Variants in ANKRD31 observed in about 807,000 individuals in gnomAD.
ANKRD31 encodes ankyrin repeat domain 31.
A neutral mutation model predicts 186.0 loss-of-function variants in ANKRD31; 147 were observed. That is an observed-to-expected ratio of 0.79 (90% CI 0.69 to 0.91). The LOEUF is 0.91. Among genes scored for constraint, ANKRD31 ranks in the 40% least tolerant of loss-of-function variants. The pLI, the probability that ANKRD31 is intolerant of heterozygous loss-of-function variation, is 0.00. For synonymous variants in ANKRD31, 673 were observed against 736.4 expected (o/e 0.91, Z 1.39); for missense variants, 1,986 against 2,148.8 (o/e 0.92, Z 1.50).
chr5:75,155,639 T>C (rs1752115627), intron 11 of ANKRD31, among the ~76,000 whole-genome samples: 1 of 152,186 alleles, frequency 6.6e-6, no homozygotes, highest in Admixed American at 6.6e-5. Context: ...GTGAGTAGGC[T>C]TTAAGTAACA....
intron 11 of ANKRD31, among the ~76,000 whole-genome samples, chr5:75,163,084 T>C (rs1752678502): frequency 6.6e-6 from 1 of 152,222 alleles, no homozygotes; most frequent in African/African-American, 2.4e-5. Flanking sequence ...ACAATGAAAC[T>C]ACTAACGATG....
chr5:75,127,267 T>G (rs1347144588), intron 17 of ANKRD31, among the ~76,000 whole-genome samples: 1 of 152,138 alleles, frequency 6.6e-6, no homozygotes, highest in Non-Finnish European at 1.5e-5. Flanking sequence ...GTTGTATAAG[T>G]AAAACTCAGT....
intron 25 of ANKRD31, among the ~76,000 whole-genome samples, chr5:75,074,363 A>G (rs965143819): frequency 3.3e-5 from 5 of 151,960 alleles, no homozygotes; most frequent in Non-Finnish European, 5.9e-5. Context: ...GTCTCCCTAA[A>G]CTCCTTCCAC....
intron 12 of ANKRD31, among the ~76,000 whole-genome samples, chr5:75,152,248 T>C (rs1751888025): frequency 6.6e-6 from 1 of 152,026 alleles, no homozygotes; most frequent in Non-Finnish European, 1.5e-5. Flanking sequence ...CCAAAGAACT[T>C]TGAATTTATA....
intron 11 of ANKRD31, among the ~76,000 whole-genome samples, chr5:75,163,870 C>T (rs1490742358): frequency 6.6e-6 from 1 of 152,170 alleles, no homozygotes; most frequent in African/African-American, 2.4e-5. Flanking sequence ...AATTTCTCTT[C>T]TTGTTCCAGT....
At position 75,138,867 on chromosome 5, in the gene ANKRD31, C is replaced by T. The variant is rs1401523188; in HGVS notation, c.3712G>A (p.Val1238Met). Residue 1238 changes from valine to methionine, a missense_variant, in exon 16 of 26, where the codon GTG becomes ATG. By Grantham distance (21) the Val-to-Met change is conservative. Coordinates refer to ENST00000506364, the MANE Select transcript of ANKRD31 (RefSeq NM_001372053.1). ...AAACCTGCATTATCATTTAGATTCA[C>T]ATCTGCTCCAGATTCTATCAGGGCT... ...VKALIESGAD[V>M]NLNDNAGWTP... is the part of the protein sequence containing the mutation. 5.2e-6 allele frequency: 8 copies of T among 1,536,374 alleles called. No individual in the cohort carries two copies. The highest frequency in any genetic ancestry group is 1.7e-4 in the Middle Eastern group (1 of 5,980).
intron 11 of ANKRD31, among the ~76,000 whole-genome samples, chr5:75,158,530 C>T (rs1752351002): frequency 6.6e-6 from 1 of 152,136 alleles, no homozygotes; most frequent in African/African-American, 2.4e-5. Context: ...TGTCCCAGTG[C>T]TTTGGGAGGC....
At chr5:75,216,572 C>G (rs1756974359) in intron 3 of ANKRD31, among the ~76,000 whole-genome samples, 1 of 152,026 alleles carries the variant, frequency 6.6e-6, no homozygotes, top group African/African-American at 2.4e-5. Context: ...AAATATAGAT[C>G]TCTCAATTTC....
chr5:75,177,479 C>T (rs1030030528), intron 10 of ANKRD31, among the ~76,000 whole-genome samples: 1 of 152,060 alleles, frequency 6.6e-6, no homozygotes, highest in Admixed American at 6.5e-5. Context: ...AGGGCAGCCA[C>T]AGAGAAAGGT....
At chr5:75,132,048 A>G (rs1419303057) in intron 17 of ANKRD31, among the ~76,000 whole-genome samples, 4 of 152,222 alleles carry the variant, frequency 2.6e-5, no homozygotes, top group Non-Finnish European at 5.9e-5. Flanking sequence ...ATAAAACCAC[A>G]AAGATGGGGA....
At chr5:75,134,891 A>C (rs958981346) in intron 17 of ANKRD31, among the ~76,000 whole-genome samples, 3 of 152,240 alleles carry the variant, frequency 2.0e-5, no homozygotes, top group Non-Finnish European at 2.9e-5. Context: ...GTAATCAATC[A>C]TATGAACAGA....
At chr5:75,180,925 C>T (rs909297355) in intron 10 of ANKRD31, among the ~76,000 whole-genome samples, 125 of 151,870 alleles carry the variant, frequency 8.2e-4, no homozygotes, top group Non-Finnish European at 1.3e-3. Flanking sequence ...CAAAAGAAAC[C>T]ACCATCAGAG....
At chr5:75,188,735 A>T (rs996716776) in intron 9 of ANKRD31, 87 bp from the exon 10 acceptor site, 5 of 1,145,072 alleles carry the variant, frequency 4.4e-6, no homozygotes, top group Non-Finnish European at 6.0e-6. Context: ...TTCAAACTAC[A>T]AACTTCACGA....
intron 2 of ANKRD31, among the ~76,000 whole-genome samples, chr5:75,229,372 G>C (rs368565855): frequency 6.6e-6 from 1 of 152,124 alleles, no homozygotes; most frequent in African/African-American, 2.4e-5. Context: ...ATTTGGAAGA[G>C]GAAAAAGGCT....
chr5:75,204,367 A>G (rs1216663050), intron 5 of ANKRD31, among the ~76,000 whole-genome samples: 1 of 152,068 alleles, frequency 6.6e-6, no homozygotes, highest in East Asian at 1.9e-4. Context: ...GATTATTCCA[A>G]CCTGACCAGC....
chr5:75,221,396 C>T (rs1300221949), intron 3 of ANKRD31, among the ~76,000 whole-genome samples: 1 of 152,152 alleles, frequency 6.6e-6, no homozygotes, highest in African/African-American at 2.4e-5. Flanking sequence ...TACACTCACA[C>T]ACATAAGACA....
chr5:75,187,912 A>G (rs1193210713), intron 10 of ANKRD31, among the ~76,000 whole-genome samples: 1 of 152,148 alleles, frequency 6.6e-6, no homozygotes, highest in Admixed American at 6.6e-5. Context: ...TGTTCAGTGT[A>G]TTAAGTACTT....
chr5:75,197,302 G>A (rs368071237), intron 6 of ANKRD31, among the ~76,000 whole-genome samples: 5 of 152,180 alleles, frequency 3.3e-5, no homozygotes, highest in African/African-American at 9.7e-5. Context: ...GTGCTTTAAA[G>A]GCACTGAAAA....
At chr5:75,141,346 G>A (rs1751033364) in intron 15 of ANKRD31, among the ~76,000 whole-genome samples, 1 of 152,076 alleles carries the variant, frequency 6.6e-6, no homozygotes, top group African/African-American at 2.4e-5. Flanking sequence ...ATGTGTGTGT[G>A]TGTGTGTGTA....
Sources: allele counts gnomAD v4.1 joint callset (sites outside exome capture counted in the v4.1 genomes callset), GRCh38; gene constraint gnomAD v4.1.1; transcripts MANE v1.5; gene names NCBI Gene and HGNC (gene_info 2026-07-23, HGNC 2026-07-21).